CFH: variants seen among roughly 807,000 people sequenced by gnomAD.
CFH encodes H factor 1 (complement).
Under a neutral mutation model 147.3 loss-of-function variants are expected in CFH, and 53 were observed. The observed-to-expected ratio is 0.36, with a 90% confidence interval of 0.29 to 0.45. The LOEUF is 0.45. Among genes scored for constraint, CFH ranks in the 20% least tolerant of loss-of-function variants. The pLI is 1.00. For synonymous variants in CFH, 536 were observed against 489.4 expected, an observed-to-expected ratio of 1.10 and a Z score of -1.26; for missense variants, 1,380 against 1,498.0, an observed-to-expected ratio of 0.92 and a Z score of 1.30.
At chr1:196,721,276 T>A (rs1413140445) in intron 11 of CFH, among the ~76,000 whole-genome samples, 2 of 152,094 alleles carry the variant, frequency 1.3e-5, no homozygotes, top group East Asian at 3.9e-4. Context: ...GTTTATTATT[T>A]CCTTTGCTGT....
At chr1:196,728,323 A>T in intron 14 of CFH, 23 bp from the exon 15 acceptor site, 1 of 1,338,202 alleles carries the variant, frequency 7.5e-7, no homozygotes. Context: ...TTGAATTTTC[A>T]TAAAAATATA....
chr1:196,739,842 G>T (rs1051393544), intron 17 of CFH, among the ~76,000 whole-genome samples: 2 of 152,080 alleles, frequency 1.3e-5, no homozygotes, highest in African/African-American at 4.8e-5. Flanking sequence ...GTATTAGTCT[G>T]TTATCATGCT....
intron 9 of CFH, among the ~76,000 whole-genome samples, chr1:196,713,344 TA>T (rs1289083086): frequency 6.6e-6 from 1 of 152,176 alleles, no homozygotes; most frequent in African/African-American, 2.4e-5. Flanking sequence ...GGATCTCAGA[TA>T]CTCCAATTGG....
chr1:196,744,472 T>C (rs2149117207), intron 20 of CFH, among the ~76,000 whole-genome samples: 1 of 152,294 alleles, frequency 6.6e-6, no homozygotes, highest in South Asian at 2.1e-4. Context: ...TTGTTTTCCA[T>C]TCTATCTCTT....
At chr1:196,695,575 G>T (rs940897696) in intron 9 of CFH, among the ~76,000 whole-genome samples, 2 of 150,454 alleles carry the variant, frequency 1.3e-5, no homozygotes, top group Non-Finnish European at 3.0e-5. Flanking sequence ...GAATAGCATT[G>T]TATGTATCAA....
rs567176642 is a variant in CFH, at chr1:196,704,037, C to T, written c.1337-9698C>T. On this transcript the variant is annotated intron_variant, in intron 9 of 21. Coordinates refer to ENST00000367429, the MANE Select transcript of CFH (RefSeq NM_000186.4). The stretch of plus-strand genomic sequence containing the variant: ...GTTTTTCTATACATCCTTGAATGTC[C>T]TATCCCTTTGTTGGGGAAAGTCTTC... Among the ~76,000 whole-genome samples the T allele has an allele frequency of 1.0e-3, 153 of 148,584 alleles. 2 individuals carry two copies. Among genetic ancestry groups the T allele is most frequent in the African/African-American group, 3.5e-3 (143 of 40,496 alleles).
At chr1:196,707,748 G>A (rs1025252839) in intron 9 of CFH, among the ~76,000 whole-genome samples, 1 of 152,092 alleles carries the variant, frequency 6.6e-6, no homozygotes, top group African/African-American at 2.4e-5. Context: ...ATCTTTTGAG[G>A]AAAAATATCA....
chr1:196,715,096 T>C (rs1668836448), intron 10 of CFH, among the ~76,000 whole-genome samples: 1 of 152,038 alleles, frequency 6.6e-6, no homozygotes, highest in Non-Finnish European at 1.5e-5. Context: ...ATAAAAAAGC[T>C]AATTTTATAC....
chr1:196,694,273 G>C (rs758143708), intron 9 of CFH, among the ~76,000 whole-genome samples: 10 of 152,016 alleles, frequency 6.6e-5, no homozygotes, highest in Non-Finnish European at 1.3e-4. Flanking sequence ...TTCTGTTCCT[G>C]TGTTAGTTTG....
chr1:196,727,049 C>A, intron 14 of CFH, 109 bp downstream of exon 14: 1 of 960,424 alleles, frequency 1.0e-6, no homozygotes, highest in Non-Finnish European at 1.7e-6. Flanking sequence ...TCAACATTTC[C>A]AGTCTTCAAT....
intron 11 of CFH, among the ~76,000 whole-genome samples, chr1:196,718,436 C>T (rs558304381): frequency 6.1e-4 from 93 of 151,930 alleles, no homozygotes; most frequent in African/African-American, 1.4e-3. Flanking sequence ...GCTGAGGCAG[C>T]GAAGAACTTG....
intron 9 of CFH, among the ~76,000 whole-genome samples, chr1:196,699,936 C>T (rs1023028175): frequency 6.6e-5 from 10 of 152,166 alleles, no homozygotes; most frequent in Non-Finnish European, 1.3e-4. Context: ...TCCAGGATAA[C>T]ATAATCTTTG....
chr1:196,728,641 G>C (rs1277183275), intron 15 of CFH, 119 bp downstream of exon 15: 2 of 969,022 alleles, frequency 2.1e-6, no homozygotes, highest in African/African-American at 3.3e-5. Flanking sequence ...GAATAAGGCA[G>C]GTAAACTAGA....
intron 15 of CFH, among the ~76,000 whole-genome samples, chr1:196,730,499 T>C (rs1486496870): frequency 6.6e-6 from 1 of 151,914 alleles, no homozygotes; most frequent in Admixed American, 6.6e-5. Flanking sequence ...TGGCCTAACA[T>C]ATAACATATT....
chr1:196,720,624 T>A (rs971923289), intron 11 of CFH, among the ~76,000 whole-genome samples: 1 of 151,976 alleles, frequency 6.6e-6, no homozygotes. Flanking sequence ...TTTATTCTTT[T>A]TTTTTCTTTT....
intron 9 of CFH, among the ~76,000 whole-genome samples, chr1:196,701,921 G>A (rs1218727641): frequency 6.6e-6 from 1 of 152,086 alleles, no homozygotes; most frequent in Non-Finnish European, 1.5e-5. Context: ...GGAGAACAGT[G>A]GCCACTGCAT....
chr1:196,745,755 AT>A lies in CFH; in HGVS notation c.3311-59del, dbSNP rs539441805. 6.9e-3 allele frequency: 11,111 copies of A among 1,612,108 alleles called. 45 individuals are homozygous for A. The highest frequency in any genetic ancestry group is 8.5e-3 in the Non-Finnish European group (9,971 of 1,178,216). The stretch of plus-strand genomic sequence containing the variant: ...ACAGTGCTGTGTTTGCGTTTGCCTT[AT>A]TTGAACTTGTATTTTGATTTGCTCT... On this transcript the variant is annotated intron_variant, in intron 20 of 21. Coordinates refer to ENST00000367429, the MANE Select transcript of CFH (RefSeq NM_000186.4).
At chr1:196,673,796 C>G in intron 2 of CFH, 61 bp from the exon 3 acceptor site, 1 of 1,026,306 alleles carries the variant, frequency 9.7e-7, no homozygotes. Context: ...TTCCCCCACT[C>G]CTACATAAAA....
At position 196,747,380 on chromosome 1, in the gene CFH, T is replaced by C. The variant is rs1334571307; in HGVS notation, c.*67T>C. The C allele has an allele frequency of 1.3e-6, 2 of 1,599,830 alleles. No individual in the cohort carries two copies. Among genetic ancestry groups the C allele is most frequent in the Non-Finnish European group, 1.7e-6 (2 of 1,169,226 alleles). ...TTAAATCAGTTCTCAATTTCATTTT[T>C]TATGTATTGTTTTACTCCTTTTTAT... On this transcript the variant is annotated 3_prime_UTR_variant, in exon 22 of 22. Coordinates refer to ENST00000367429, the MANE Select transcript of CFH (RefSeq NM_000186.4).
Sources: allele counts gnomAD v4.1 joint callset (sites outside exome capture counted in the v4.1 genomes callset), GRCh38; gene constraint gnomAD v4.1.1; transcripts MANE v1.5; gene names NCBI Gene and HGNC (gene_info 2026-07-23, HGNC 2026-07-21).